Variants in ADM observed in about 807,000 individuals in gnomAD.
ADM encodes the protein pro-adrenomedullin.
ADM carries 4 observed loss-of-function variants against 9.0 expected under a neutral mutation model. That is an observed-to-expected ratio of 0.44 (90% confidence interval 0.22 to 1.02). The LOEUF is 1.02. Ranked by LOEUF, ADM falls within the 50% of genes least tolerant of loss-of-function variation. The probability of loss-of-function intolerance (pLI) is 0.24; values close to 1 mark genes in which losing one functional copy is unlikely to be tolerated. For synonymous variants in ADM, 107 were observed against 107.2 expected, an observed-to-expected ratio of 1.00 and a Z score of 0.01; for missense variants, 253 against 254.1, an observed-to-expected ratio of 1.00 and a Z score of 0.03.
At chr11:10,305,555 C>A in intron 1 of ADM, 125 bp from the exon 2 acceptor site, 3 of 745,418 alleles carry the variant, frequency 4.0e-6, no homozygotes, top group Non-Finnish European at 4.4e-6. Context: ...GGGAGATAAG[C>A]GTCTGAGCCA....
chr11:10,305,598 G>T, intron 1 of ADM, 82 bp from the exon 2 acceptor site: 1 of 1,249,084 alleles, frequency 8.0e-7, no homozygotes, highest in South Asian at 1.2e-5. Context: ...CCTCGCCGGG[G>T]CCCCTGCCCG....
rs926266115 is a variant in ADM at position 10,306,631 on chromosome 11, A to C, written c.548A>C (p.His183Pro). 1 of 1,532,776 alleles carries C rather than the reference A, an allele frequency of 6.5e-7. No homozygotes were observed. The allele number at this position is 1,532,776 out of a possible 1,614,324, so 94.9% of individuals were successfully genotyped here. ...APAPPSGSAP[H>P]FL The stretch of plus-strand genomic sequence containing the variant: ...GCCCCCCCGAGTGGAAGTGCTCCCC[A>C]CTTTCTTTAGGATTTAGGCGCCCAT... Residue 183 changes from histidine (H) to proline (P), a missense_variant, in exon 4 of 4, where the codon CAC becomes CCC. Coordinates refer to ENST00000278175, the MANE Select transcript of ADM (RefSeq NM_001124.3).
chr11:10,305,812 GCGCCTTCC>G lies in ADM; in HGVS notation c.98+16_98+23del. ...GTTTCGAAAGAAGTGAGTCCGGGCA[GCGCCTTCC>G]CCCTTGCTGGTACCTGGCAGGCAAG... is the stretch of plus-strand genomic sequence containing the variant. On this transcript the variant is annotated intron_variant, in intron 2 of 3. Transcript: ENST00000278175. 1 of 1,614,050 alleles carries G rather than the reference GCGCCTTCC, an allele frequency of 6.2e-7. No homozygotes were observed.
At chr11:10,305,301 G>A in intron 1 of ADM, 72 bp downstream of exon 1, 1 of 195,482 alleles carries the variant, frequency 5.1e-6, no homozygotes, top group South Asian at 9.3e-5. Context: ...TAAACTGGGA[G>A]CGCTGGGTGA....
At position 10,305,835 on chromosome 11, in the gene ADM, T is replaced by C. The variant is rs765317652; in HGVS notation, c.98+37T>C. On this transcript the variant is annotated intron_variant, in intron 2 of 3. Transcript: ENST00000278175. The stretch of plus-strand genomic sequence containing the variant: ...CAGCGCCTTCCCCCTTGCTGGTACC[T>C]GGCAGGCAAGGGGAACTGACCGTTG... The C allele has an allele frequency of 4.3e-6, 7 of 1,611,752 alleles. No homozygotes were observed. In the East Asian group the frequency reaches 1.1e-4, roughly 26 times the overall value.
intron 1 of ADM, 160 bp from the exon 2 acceptor site, chr11:10,305,520 C>T (rs1036819317): frequency 6.3e-5 from 39 of 622,654 alleles, no homozygotes; most frequent in Non-Finnish European, 9.9e-5. Context: ...CGCGTGCAAA[C>T]GCCTCTGGCG....
intron 1 of ADM, 89 bp from the exon 2 acceptor site, chr11:10,305,591 C>T: frequency 1.7e-6 from 2 of 1,150,450 alleles, no homozygotes; most frequent in African/African-American, 1.5e-5. Context: ...AAACCCGCCT[C>T]GCCGGGGCCC....
In ADM at chr11:10,306,336, C is replaced by A. The variant is rs1021128489; in HGVS notation, c.253C>A (p.Pro85Thr). ...GASRSPEDSS[P>T]DAARIRVKRY... ...TCCCCCTCCCCCCGCCCGCAGCAGT[C>A]CGGATGCCGCCCGCATCCGAGTCAA... Residue 85 changes from proline to threonine, a missense_variant, in exon 4 of 4, where the codon CCG becomes ACG. Physicochemically the swap from Pro to Thr is conservative, Grantham distance 38. Coordinates refer to ENST00000278175, the MANE Select transcript of ADM (RefSeq NM_001124.3). 1 of 1,600,044 alleles carries A rather than the reference C, an allele frequency of 6.2e-7. No individual in the cohort carries two copies. Among genetic ancestry groups the A allele is most frequent in the Non-Finnish European group, 8.5e-7 (1 of 1,173,630 alleles).
Position 10,305,598 on chromosome 11 carries a change from G to A in ADM, c.-21-82G>A, listed in dbSNP as rs894820469. 2.4e-6 allele frequency: 3 copies of A among 1,249,084 alleles called. No homozygotes were observed. The African/African-American group carries it at 4.4e-5, about 18-fold the overall frequency. 77.4% of individuals were successfully genotyped at this position (1,249,084 alleles called of 1,614,324 possible). On this transcript the variant is annotated intron_variant, in intron 1 of 3. Coordinates refer to ENST00000278175, the MANE Select transcript of ADM (RefSeq NM_001124.3). ...CGCGGGCTAAACCCGCCTCGCCGGG[G>A]CCCCTGCCCGCCCTCCGTGCCCCGC...
At position 10,306,419 on chromosome 11, in the gene ADM, C is replaced by T. The variant is rs997886079; in HGVS notation, c.336C>T (p.Phe112=). ...FQGLRSFGCR[F]GTCTVQKLAH... ...GCCTCCGGAGCTTTGGCTGCCGCTT[C>T]GGGACGTGCACGGTGCAGAAGCTGG... The change falls in exon 4 of 4, where the codon TTC becomes TTT. Residue 112 remains phenylalanine (F), a synonymous_variant. Transcript: ENST00000278175. The T allele has an allele frequency of 6.2e-7, 1 of 1,613,264 alleles. No individual in the cohort carries two copies. Among genetic ancestry groups the T allele is most frequent in the African/African-American group, 1.3e-5 (1 of 74,706 alleles).
At chr11:10,305,865 C>G (rs183548313) in intron 2 of ADM, 67 bp downstream of exon 2, 306 of 1,611,964 alleles carry the variant, frequency 1.9e-4, no homozygotes, top group Middle Eastern at 9.9e-4. Flanking sequence ...CCGTTGGTCC[C>G]GAAGGTCTAG....
chr11:10,305,272 G>A (rs1252694465), intron 1 of ADM, 43 bp downstream of exon 1: 5 of 177,900 alleles, frequency 2.8e-5, no homozygotes, highest in Admixed American at 1.7e-4. Flanking sequence ...GGGGTGGGGG[G>A]CAGTGCTTGC....
Position 10,306,611 on chromosome 11 carries a change from C to T in ADM, c.528C>T (p.Pro176=), listed in dbSNP as rs778109412. 6.4e-7 allele frequency: 1 copy of T among 1,563,784 alleles called. No individual in the cohort carries two copies. Among genetic ancestry groups the T allele is most frequent in the African/African-American group, 1.4e-5 (1 of 72,646 alleles). The change falls in exon 4 of 4, where the codon CCC becomes CCT. Residue 176 remains proline (P), a synonymous_variant. Transcript: ENST00000278175. Reference sequence around the variant, plus strand: ...CACAAGCACACGGGGCTCCAGCCCCCCCGAGTGGAAGTGCTCCCCACTTTC... The same window carrying T: ...CACAAGCACACGGGGCTCCAGCCCCTCCGAGTGGAAGTGCTCCCCACTTTC... ...SKPQAHGAPA[P]PSGSAPHFL is the part of the protein sequence containing the mutation.
rs1349311866 is a variant in ADM, at chr11:10,305,682, T to A, written c.-19T>A. On this transcript the variant is annotated splice_region_variant and 5_prime_UTR_variant, in exon 2 of 4. Coordinates refer to ENST00000278175, the MANE Select transcript of ADM (RefSeq NM_001124.3). ...CGACTCTCTTTCTTCTTTTCCAGGG[T>A]CTGCGCTTCGCAGCCGGGATGAAGC... 29 of 1,612,310 alleles carry A rather than the reference T, an allele frequency of 1.8e-5. No homozygotes were observed. The highest frequency in any genetic ancestry group is 2.5e-5 in the Non-Finnish European group (29 of 1,179,468).
Position 10,306,785 on chromosome 11 carries a change from G to A in ADM, c.*144G>A. On this transcript the variant is annotated 3_prime_UTR_variant, in exon 4 of 4. Transcript: ENST00000278175. ...AGTCCGGGAGGCACCGTCCGGCGGCGAGCTCTGGCTTTGCAAGGGCCCCTC... is the reference window on the plus strand; with the variant it reads ...AGTCCGGGAGGCACCGTCCGGCGGCAAGCTCTGGCTTTGCAAGGGCCCCTC... 2 of 813,318 alleles carry A rather than the reference G, an allele frequency of 2.5e-6. No individual in the cohort carries two copies. Among genetic ancestry groups the A allele is most frequent in the Non-Finnish European group, 1.8e-6 (1 of 553,780 alleles). The allele number at this position is 813,318 out of a possible 1,614,324, so 50.4% of individuals were successfully genotyped here. A position where few individuals can be genotyped will look rare whatever the true frequency, so the allele number is the denominator to read the frequency against.
Position 10,305,722 on chromosome 11 carries a change from C to G in ADM, c.22C>G (p.Leu8Val), listed in dbSNP as rs767431764. Residue 8 changes from leucine to valine, a missense_variant, in exon 2 of 4, where the codon CTG (leucine) becomes GTG (valine). Coordinates refer to ENST00000278175, the MANE Select transcript of ADM (RefSeq NM_001124.3). ...CGGGATGAAGCTGGTTTCCGTCGCC[C>G]TGATGTACCTGGGTTCGCTCGCCTT... MKLVSVA[L>V]MYLGSLAFLG... 15 of 1,614,092 alleles carry G rather than the reference C, an allele frequency of 9.3e-6. No individual in the cohort carries two copies. In the South Asian group the frequency reaches 1.1e-4, roughly 12 times the overall value.
rs1201356245 is a variant in ADM, at chr11:10,306,369, C to G, written c.286C>G (p.Arg96Gly). 6.2e-7 allele frequency: 1 copy of G among 1,612,478 alleles called. No homozygotes were observed. Among genetic ancestry groups the G allele is most frequent in the Admixed American group, 1.7e-5 (1 of 59,912 alleles). Residue 96 changes from arginine (R) to glycine (G), a missense_variant, in exon 4 of 4, where the codon CGC (arginine) becomes GGC (glycine). Physicochemically the swap from Arg to Gly is moderately radical, Grantham distance 125 (BLOSUM62 -2). Transcript: ENST00000278175. ...CGCCCGCATCCGAGTCAAGCGCTAC[C>G]GCCAGAGCATGAACAACTTCCAGGG... ...DAARIRVKRY[R>G]QSMNNFQGLR... is the part of the protein sequence containing the mutation.
rs1183678654 is a variant in ADM at position 10,306,015 on chromosome 11, G to A, written c.165G>A (p.Gly55=). Reference sequence around the variant, plus strand: ...GGATGTCCAGCAGCTACCCCACCGGGCTCGCTGACGTGAAGGCCGGGCCTG... The same window carrying A: ...GGATGTCCAGCAGCTACCCCACCGGACTCGCTGACGTGAAGGCCGGGCCTG... ...ELRMSSSYPT[G]LADVKAGPAQ... is the part of the protein sequence containing the mutation. Residue 55 remains glycine, a synonymous_variant, in exon 3 of 4, where the codon GGG becomes GGA. Transcript: ENST00000278175. 3 of 1,614,060 alleles carry A rather than the reference G, an allele frequency of 1.9e-6. No individual in the cohort carries two copies. Among genetic ancestry groups the A allele is most frequent in the Non-Finnish European group, 2.5e-6 (3 of 1,180,032 alleles).
At position 10,305,779 on chromosome 11, in the gene ADM, G is replaced by T. The variant is rs772717944; in HGVS notation, c.79G>T (p.Ala27Ser). The T allele has an allele frequency of 6.2e-7, 1 of 1,614,162 alleles. No individual in the cohort carries two copies. Among genetic ancestry groups the T allele is most frequent in the South Asian group, 1.1e-5 (1 of 91,086 alleles). ...LGADTARLDV[A>S]SEFRKKWNKW... ...CGCTGACACCGCTCGGTTGGATGTC[G>T]CGTCGGAGTTTCGAAAGAAGTGAGT... Residue 27 changes from alanine to serine, a missense_variant, in exon 2 of 4, where the codon GCG (alanine) becomes TCG (serine). Transcript: ENST00000278175.
Sources: gnomAD v4.1 joint callset for allele counts on GRCh38, gnomAD v4.1.1 for gene constraint, MANE v1.5 for transcripts, NCBI Gene and HGNC (gene_info 2026-07-23, HGNC 2026-07-21) for gene names.